Variants in CNDP1 observed in about 807,000 individuals in gnomAD.
The protein encoded by CNDP1 is carnosine dipeptidase 1.
A neutral mutation model predicts 58.1 loss-of-function variants in CNDP1; 44 were observed. The ratio of observed to expected loss-of-function variants is 0.76; its 90% CI spans 0.60 to 0.97. The LOEUF (loss-of-function observed/expected upper bound fraction) is 0.97, where lower values mean the gene tolerates loss of function less well. Among genes scored for constraint, CNDP1 ranks in the 50% least tolerant of loss-of-function variants. The pLI is 0.00. For synonymous variants in CNDP1, 254 were observed against 252.6 expected (o/e 1.01, Z -0.05); for missense variants, 616 against 655.1 (o/e 0.94, Z 0.65).
At chr18:74,551,110 G>T (rs749276140) in intron 1 of CNDP1, among the ~76,000 whole-genome samples, 3 of 151,998 alleles carry the variant, frequency 2.0e-5, no homozygotes, top group Non-Finnish European at 4.4e-5. Flanking sequence ...GCACCTCCCC[G>T]ATCCCTCTTG....
At chr18:74,561,862 A>T in intron 4 of CNDP1, 185 bp from the exon 5 acceptor site, 1 of 512,870 alleles carries the variant, frequency 1.9e-6, no homozygotes. Flanking sequence ...AGATCCAAGG[A>T]TCTCTTATGT....
At chr18:74,540,676 C>T (rs1980598477) in intron 1 of CNDP1, among the ~76,000 whole-genome samples, 1 of 152,190 alleles carries the variant, frequency 6.6e-6, no homozygotes, top group Non-Finnish European at 1.5e-5. Flanking sequence ...CTCTTGACCC[C>T]TCTAGTGCTT....
intron 1 of CNDP1, among the ~76,000 whole-genome samples, chr18:74,535,228 G>C (rs942433785): frequency 6.6e-6 from 1 of 152,206 alleles, no homozygotes; most frequent in Non-Finnish European, 1.5e-5. Flanking sequence ...AAGCAGGCAG[G>C]TACCTTTGGC....
chr18:74,584,317 A>AATG (rs1173235433), intron 11 of CNDP1, 179 bp from the exon 12 acceptor site: 1 of 582,788 alleles, frequency 1.7e-6, no homozygotes, highest in Non-Finnish European at 3.1e-6. Context: ...TAATAATAAT[A>AATG]ATGCAATTTT....
intron 1 of CNDP1, among the ~76,000 whole-genome samples, chr18:74,553,991 C>T (rs559318363): frequency 1.3e-4 from 20 of 152,288 alleles, no homozygotes; most frequent in Non-Finnish European, 2.2e-4. Context: ...GTTGGGTCCT[C>T]GGCCACTGTG....
rs1185638106 is a variant in CNDP1, at chr18:74,556,226, TG to T, written c.25-111del. ...CCGCCTTGTGTTATTTTATTCCGACTGACTGGAGGCAGCTGTGTGAGGTAAC... is the reference window on the plus strand; with the variant it reads ...CCGCCTTGTGTTATTTTATTCCGACTACTGGAGGCAGCTGTGTGAGGTAAC... On this transcript the variant is annotated intron_variant, in intron 1 of 11. Coordinates refer to ENST00000358821, the MANE Select transcript of CNDP1 (RefSeq NM_032649.6). 2.5e-6 allele frequency: 3 copies of T among 1,185,026 alleles called. No homozygotes were observed. The Admixed American group carries it at 7.1e-5, about 28-fold the overall frequency. The allele number at this position is 1,185,026 out of a possible 1,614,324, so 73.4% of individuals were successfully genotyped here. A position where few individuals can be genotyped will look rare whatever the true frequency, so the allele number is the denominator to read the frequency against.
rs557106711 is a variant in CNDP1 at position 74,545,653 on chromosome 18, CCCT to C, written c.25-10674_25-10672del. On this transcript the variant is annotated intron_variant, in intron 1 of 11. Transcript: ENST00000358821. This position sits in a 1 kb window ranked among gnomAD's most constrained non-coding sequence, Gnocchi z 4.1. ...TCTCTCAACTCCCCACTCCCTCCGA[CCCT>C]CCTCCTCCTCTCTGCTGTTCTGCGG... Among the ~76,000 whole-genome samples, 3 of 152,256 alleles carry C rather than the reference CCCT, an allele frequency of 2.0e-5. No individual in the cohort carries two copies. The highest frequency in any genetic ancestry group is 2.1e-4 in the South Asian group (1 of 4,830).
At chr18:74,562,452 G>GA (rs1981226423) in intron 5 of CNDP1, among the ~76,000 whole-genome samples, 1 of 152,224 alleles carries the variant, frequency 6.6e-6, no homozygotes, top group Non-Finnish European at 1.5e-5. Context: ...GCTGCTATCT[G>GA]ATGGGACTGG....
intron 11 of CNDP1, 41 bp downstream of exon 11, chr18:74,583,749 T>TAATGA: frequency 1.2e-6 from 2 of 1,602,150 alleles, no homozygotes; most frequent in Admixed American, 1.7e-5. Flanking sequence ...TCTTCTTCCT[T>TAATGA]TACTGCACAC....
chr18:74,562,396 G>T (rs2144658238), intron 5 of CNDP1, among the ~76,000 whole-genome samples: 1 of 152,310 alleles, frequency 6.6e-6, no homozygotes, highest in African/African-American at 2.4e-5. Flanking sequence ...TGTTAACCAT[G>T]TTAAAAAACA....
At position 74,571,232 on chromosome 18, in the gene CNDP1, T is replaced by A; in HGVS notation, c.803T>A (p.Ile268Asn). ...QDFHSGTFGGILHEPMADLVA... is the reference protein window; with the variant it reads ...QDFHSGTFGGNLHEPMADLVA... The stretch of plus-strand genomic sequence containing the variant: ...TTTCACTCAGGAACCTTTGGTGGCA[T>A]CCTTCATGAACCAATGGCTGATCTG... The change falls in exon 7 of 12, where the codon ATC becomes AAC. Residue 268 changes from isoleucine (I) to asparagine (N), a missense_variant. Physicochemically the swap from Ile to Asn is moderately radical, Grantham distance 149. Coordinates refer to ENST00000358821, the MANE Select transcript of CNDP1 (RefSeq NM_032649.6). 2 of 1,613,630 alleles carry A rather than the reference T, an allele frequency of 1.2e-6. No individual in the cohort carries two copies. Among genetic ancestry groups the A allele is most frequent in the Non-Finnish European group, 1.7e-6 (2 of 1,179,592 alleles).
intron 1 of CNDP1, among the ~76,000 whole-genome samples, chr18:74,555,757 C>A (rs1378170316): frequency 6.6e-6 from 1 of 152,094 alleles, no homozygotes; most frequent in African/African-American, 2.4e-5. Context: ...CAACTCCTGA[C>A]CTCAAGTGAT....
Position 74,572,460 on chromosome 18 carries a change from T to C in CNDP1, c.841+1190T>C, listed in dbSNP as rs899694135. Among the ~76,000 whole-genome samples the C allele has an allele frequency of 3.9e-5, 6 of 152,150 alleles. No individual in the cohort carries two copies. In the South Asian group the frequency reaches 8.3e-4, roughly 21 times the overall value. ...CTTTAGACCCTGCAACACCTCGCTG[T>C]GCTCCACTTGGCATGTATAGCTCCT... On this transcript the variant is annotated intron_variant, in intron 7 of 11. Coordinates refer to ENST00000358821, the MANE Select transcript of CNDP1 (RefSeq NM_032649.6).
In CNDP1 at chr18:74,583,083, C is replaced by T. The variant is rs1012149635; in HGVS notation, c.1310-478C>T. 2.4e-4 allele frequency among the ~76,000 whole-genome samples: 37 copies of T among 152,142 alleles called. 2 individuals are homozygous for T. Among genetic ancestry groups the T allele is most frequent in the South Asian group, 2.1e-4 (1 of 4,824 alleles). ...GTGCAGTTGCAAGATCTCGGCTCAC[C>T]GCAACCTCCATCACCCACGTTCAAG... is the stretch of plus-strand genomic sequence containing the variant. On this transcript the variant is annotated intron_variant, in intron 10 of 11. Coordinates refer to ENST00000358821, the MANE Select transcript of CNDP1 (RefSeq NM_032649.6).
chr18:74,553,425 T>C (rs900683048), intron 1 of CNDP1, among the ~76,000 whole-genome samples: 4 of 152,148 alleles, frequency 2.6e-5, no homozygotes, highest in Non-Finnish European at 4.4e-5. Flanking sequence ...TCATTTTGGG[T>C]TAGTTCTTAT....
In CNDP1 at chr18:74,567,009, G is replaced by A. The variant is rs190262958; in HGVS notation, c.556-224G>A. On this transcript the variant is annotated intron_variant, in intron 5 of 11. Transcript: ENST00000358821. Reference sequence around the variant, plus strand: ...AGGTGGTGGCAGCAAGAGAAAATGCGGAAGAAGCAAACCCCTGATAAACCC... The same window carrying A: ...AGGTGGTGGCAGCAAGAGAAAATGCAGAAGAAGCAAACCCCTGATAAACCC... 5.1e-4 allele frequency: 274 copies of A among 540,530 alleles called. 4 individuals are homozygous for A. The highest frequency in any genetic ancestry group is 3.1e-3 in the Middle Eastern group (6 of 1,950). The allele number at this position is 540,530 out of a possible 1,614,324, so 33.5% of individuals were successfully genotyped here.
intron 5 of CNDP1, among the ~76,000 whole-genome samples, chr18:74,563,663 T>C (rs4355018): frequency 0.99 from 150,520 of 152,264 alleles, 74,419 homozygotes; most frequent in Middle Eastern, 1. Context: ...TCGAGAGTGT[T>C]CCTTTCTTCC....
intron 1 of CNDP1, among the ~76,000 whole-genome samples, chr18:74,554,624 G>A (rs955864190): frequency 1.3e-5 from 2 of 152,222 alleles, no homozygotes; most frequent in African/African-American, 4.8e-5. Context: ...ATTCAGCAAT[G>A]CATTTGGGAA....
chr18:74,542,495 A>C (rs1040994298), intron 1 of CNDP1, among the ~76,000 whole-genome samples: 1 of 152,168 alleles, frequency 6.6e-6, no homozygotes, highest in Non-Finnish European at 1.5e-5. Context: ...AAGTGAAATC[A>C]TTGTAGGGCA....
Sources: gnomAD v4.1 joint callset for allele counts (sites outside exome capture counted in the v4.1 genomes callset) on GRCh38, gnomAD v4.1.1 for gene constraint, Gnocchi (gnomAD v3.1) non-coding constraint, MANE v1.5 for transcripts, NCBI Gene and HGNC (gene_info 2026-07-23, HGNC 2026-07-21) for gene names.